DMD: variants seen among roughly 807,000 people sequenced by gnomAD.
The protein encoded by DMD is dystrophin.
In DMD, 63 loss-of-function variants were observed where a neutral mutation model predicts 330.1. That is an observed-to-expected ratio of 0.19 (90% CI 0.16 to 0.24). The LOEUF (loss-of-function observed/expected upper bound fraction) is 0.24. Among genes scored for constraint, DMD ranks in the 10% least tolerant of loss-of-function variants. DMD has a pLI of 1.00. For synonymous variants in DMD, 1,223 were observed against 959.8 expected, an observed-to-expected ratio of 1.27 and a Z score of -5.07; for missense variants, 3,344 against 2,684.1, an observed-to-expected ratio of 1.25 and a Z score of -5.43.
Position 33,079,363 on chromosome X carries a change from C to T in DMD, c.32-59163G>A, listed in dbSNP as rs141203674. Among the ~76,000 whole-genome samples the T allele has an allele frequency of 3.4e-3, 377 of 111,400 alleles. 1 individual carries two copies. The highest frequency in any genetic ancestry group is 0.02 in the East Asian group (70 of 3,516). On this transcript the variant is annotated intron_variant, in intron 1 of 78. Transcript: ENST00000357033. ...AAATGAGACAACAATTGCCTGTGGA[C>T]GACACAAACATTGTAGAGTAGCCAG...
At chrX:32,566,628 C>A (rs745888561) in intron 15 of DMD, among the ~76,000 whole-genome samples, 4 of 112,217 alleles carry the variant, frequency 3.6e-5, no homozygotes, top group Non-Finnish European at 7.5e-5. Context: ...TCTTATGAAG[C>A]AATTTTTATA....
rs773967817 is a variant in DMD at position 31,483,208 on chromosome X, A to C, written c.8548-4105T>G. 3.7e-5 allele frequency among the ~76,000 whole-genome samples: 4 copies of C among 107,318 alleles called. No homozygotes were observed. In the South Asian group the frequency reaches 1.7e-3, roughly 45 times the overall value. 93.2% of individuals were successfully genotyped at this position (107,318 alleles called of 115,157 possible). A position where few individuals can be genotyped will look rare whatever the true frequency, so the allele number is the denominator to read the frequency against. ...ACTACAGGCGCCCGCCACCACGCCC[A>C]GCTAATTTTTTGTATTTTTAGTAGA... is the stretch of plus-strand genomic sequence containing the variant. On this transcript the variant is annotated intron_variant, in intron 57 of 78. Transcript: ENST00000357033.
intron 51 of DMD, among the ~76,000 whole-genome samples, chrX:31,737,979 A>G (rs1374119183): frequency 8.9e-6 from 1 of 112,110 alleles, no homozygotes; most frequent in East Asian, 2.8e-4. Context: ...TAGTAGAAGC[A>G]GTATATAGTT....
chrX:31,717,399 G>A (rs1343452834), intron 52 of DMD, among the ~76,000 whole-genome samples: 1 of 111,848 alleles, frequency 8.9e-6, no homozygotes. Flanking sequence ...TTATTGCTAT[G>A]TCTCTTAAAG....
At position 31,137,112 on chromosome X, in the gene DMD, G is replaced by A. The variant is rs764525715; in HGVS notation, c.10922-2918C>T. Among the ~76,000 whole-genome samples, 210 of 111,181 alleles carry A rather than the reference G, an allele frequency of 1.9e-3. 1 individual carries two copies. Among genetic ancestry groups the A allele is most frequent in the African/African-American group, 4.4e-3 (135 of 30,547 alleles). ...CGGCTAGCTGCAACCTCTGCCTTCCGGGTTCAAGTGATTCTCCTGCCTCAG... is the reference window on the plus strand; with the variant it reads ...CGGCTAGCTGCAACCTCTGCCTTCCAGGTTCAAGTGATTCTCCTGCCTCAG... On this transcript the variant is annotated intron_variant, in intron 76 of 78. Coordinates refer to ENST00000357033, the MANE Select transcript of DMD (RefSeq NM_004006.3).
At chrX:31,570,027 A>G (rs1286331265) in intron 55 of DMD, among the ~76,000 whole-genome samples, 1 of 110,828 alleles carries the variant, frequency 9.0e-6, no homozygotes, top group East Asian at 2.8e-4. Context: ...CTTTATTCAG[A>G]TTTCACCAGT....
intron 37 of DMD, 87 bp downstream of exon 37, chrX:32,362,701 G>A (rs2097841335): frequency 9.6e-7 from 1 of 1,037,518 alleles, no homozygotes; most frequent in Non-Finnish European, 1.4e-6. Flanking sequence ...CCTTGCTGTG[G>A]GGTCTACTTG....
chrX:32,677,743 T>C (rs967686388), intron 9 of DMD, among the ~76,000 whole-genome samples: 1 of 111,663 alleles, frequency 9.0e-6, no homozygotes, highest in Non-Finnish European at 1.9e-5. Context: ...GAAATAACTA[T>C]TATGAAGCCA....
chrX:32,826,580 A>C (rs771383846), intron 4 of DMD, among the ~76,000 whole-genome samples: 1 of 111,847 alleles, frequency 8.9e-6, no homozygotes, highest in East Asian at 2.8e-4. Context: ...GTTACGTCAA[A>C]TGACATAAGC....
At chrX:32,577,566 T>G (rs746961708) in intron 13 of DMD, among the ~76,000 whole-genome samples, 1 of 112,454 alleles carries the variant, frequency 8.9e-6, no homozygotes, top group East Asian at 2.8e-4. Flanking sequence ...ACAATTTGCT[T>G]GATCATGGTT....
At chrX:31,276,397 A>G (rs2052119519) in intron 62 of DMD, among the ~76,000 whole-genome samples, 1 of 111,873 alleles carries the variant, frequency 8.9e-6, no homozygotes, top group Non-Finnish European at 1.9e-5. Flanking sequence ...TGATGTGGTT[A>G]TGAAAATTTT....
chrX:33,128,091 G>C, intron 1 of DMD: 1 of 1,192,973 alleles, frequency 8.4e-7, no homozygotes. Flanking sequence ...CTGAATGCTT[G>C]TGGAATTTAT....
intron 1 of DMD, among the ~76,000 whole-genome samples, chrX:33,118,180 G>C (rs1207769259): frequency 9.8e-6 from 1 of 102,018 alleles, no homozygotes; most frequent in African/African-American, 3.6e-5. Context: ...GCGCGATCTC[G>C]GCTCACTGCA....
chrX:32,761,336 CA>C (rs1333411560), intron 7 of DMD, among the ~76,000 whole-genome samples: 2 of 111,473 alleles, frequency 1.8e-5, no homozygotes, highest in African/African-American at 6.5e-5. Flanking sequence ...GAGAGACACT[CA>C]GAAGTCTTAG....
At chrX:31,220,654 C>T (rs2045911903) in intron 64 of DMD, among the ~76,000 whole-genome samples, 1 of 111,092 alleles carries the variant, frequency 9.0e-6, no homozygotes, top group African/African-American at 3.3e-5. Context: ...ACAAGCAGCA[C>T]CTACAGGCTC....
intron 2 of DMD, among the ~76,000 whole-genome samples, chrX:32,864,976 A>G (rs909228603): frequency 8.9e-6 from 1 of 112,038 alleles, no homozygotes; most frequent in Non-Finnish European, 1.9e-5. Context: ...TCCTTACTTG[A>G]AAGTCTTCCA....
chrX:31,987,504 G>A, intron 44 of DMD, among the ~76,000 whole-genome samples: 1 of 111,439 alleles, frequency 9.0e-6, no homozygotes, highest in Non-Finnish European at 1.9e-5. Flanking sequence ...GCTTCTATGA[G>A]ATCGATGTTT....
At chrX:31,862,064 T>C (rs1036656584) in intron 48 of DMD, among the ~76,000 whole-genome samples, 7 of 109,593 alleles carry the variant, frequency 6.4e-5, no homozygotes, top group African/African-American at 2.3e-4. Context: ...AAGACAACAA[T>C]GCAACAGAGG....
chrX:32,627,647 G>T (rs1352994684), intron 11 of DMD, among the ~76,000 whole-genome samples: 1 of 110,751 alleles, frequency 9.0e-6, no homozygotes, highest in Admixed American at 9.6e-5. Flanking sequence ...TCACAATCAT[G>T]CAATATTGCC....
Sources: allele counts gnomAD v4.1 joint callset (sites outside exome capture counted in the v4.1 genomes callset), GRCh38; gene constraint gnomAD v4.1.1; transcripts MANE v1.5; gene names NCBI Gene and HGNC (gene_info 2026-07-23, HGNC 2026-07-21).